PAN3: variants seen among roughly 807,000 people sequenced by gnomAD.
PAN3 encodes the protein PAN2-PAN3 deadenylation complex subunit PAN3.
PAN3 carries 19 observed loss-of-function variants against 96.2 expected under a neutral mutation model. That is an observed-to-expected ratio of 0.20 (90% CI 0.14 to 0.29). The LOEUF (loss-of-function observed/expected upper bound fraction) is 0.29. Among genes scored for constraint, PAN3 ranks in the 10% least tolerant of loss-of-function variants. The pLI is 1.00. For missense variants in PAN3, 882 were observed against 1,108.1 expected, an observed-to-expected ratio of 0.80 and a Z score of 2.90; for synonymous variants, 433 against 406.6, an observed-to-expected ratio of 1.06 and a Z score of -0.78.
At chr13:28,276,324 A>C (rs1887058975) in intron 14 of PAN3, among the ~76,000 whole-genome samples, 1 of 152,196 alleles carries the variant, frequency 6.6e-6, no homozygotes, top group Admixed American at 6.5e-5. Context: ...TCAGATTTTA[A>C]AGATCTGCAA....
intron 1 of PAN3, among the ~76,000 whole-genome samples, chr13:28,162,676 A>G (rs1367925334): frequency 6.6e-6 from 1 of 151,794 alleles, no homozygotes; most frequent in East Asian, 1.9e-4. Flanking sequence ...ATTGAAAATA[A>G]AAGTTTGTAC....
chr13:28,171,600 C>T (rs1371887933), intron 1 of PAN3, among the ~76,000 whole-genome samples: 1 of 152,176 alleles, frequency 6.6e-6, no homozygotes, highest in East Asian at 1.9e-4. Flanking sequence ...ACTTGCTTGA[C>T]TGGTTTATTA....
At chr13:28,198,683 A>G (rs923842578) in intron 5 of PAN3, among the ~76,000 whole-genome samples, 25 of 152,240 alleles carry the variant, frequency 1.6e-4, no homozygotes, top group Non-Finnish European at 3.1e-4. Context: ...ATTTCAATTT[A>G]GCCAGAGGTA....
At chr13:28,264,516 T>TC (rs1277355514) in intron 9 of PAN3, among the ~76,000 whole-genome samples, 5 of 151,994 alleles carry the variant, frequency 3.3e-5, no homozygotes, top group Admixed American at 3.3e-4. Context: ...CCTGGGAGAC[T>TC]CTGTCTCCAA....
intron 5 of PAN3, among the ~76,000 whole-genome samples, chr13:28,213,899 A>G (rs1305506229): frequency 6.6e-6 from 1 of 152,152 alleles, no homozygotes; most frequent in Non-Finnish European, 1.5e-5. Context: ...CACCTATTAG[A>G]ATGTCTAAAA....
chr13:28,285,402 T>C (rs1246736175), intron 17 of PAN3, among the ~76,000 whole-genome samples: 1 of 152,210 alleles, frequency 6.6e-6, no homozygotes, highest in African/African-American at 2.4e-5. Context: ...GCATTTTCTT[T>C]ATAAATCCTT....
At chr13:28,286,463 T>C (rs1868983836) in intron 17 of PAN3, among the ~76,000 whole-genome samples, 1 of 152,206 alleles carries the variant, frequency 6.6e-6, no homozygotes, top group South Asian at 2.1e-4. Flanking sequence ...GTTCTCCTGT[T>C]TTCAGCCTCA....
upstream of PAN3, chr13:28,138,334 C>CGAG: frequency 5.8e-6 from 1 of 172,714 alleles, no homozygotes; most frequent in African/African-American, 2.4e-5. Flanking sequence ...GCTGCCGCTC[C>CGAG]CTCTTCCCCT....
chr13:28,282,632 GTATT>G (rs1283441081), intron 17 of PAN3, among the ~76,000 whole-genome samples: 1 of 152,150 alleles, frequency 6.6e-6, no homozygotes, highest in Non-Finnish European at 1.5e-5. Context: ...AGTTGAATCT[GTATT>G]TAGTGTTACA....
intron 6 of PAN3, among the ~76,000 whole-genome samples, chr13:28,255,042 A>C (rs1181484326): frequency 6.6e-6 from 1 of 152,148 alleles, no homozygotes; most frequent in African/African-American, 2.4e-5. Flanking sequence ...ATTTTTGTTC[A>C]CCTACATGTT....
At chr13:28,156,896 G>A (rs1872238535) in intron 1 of PAN3, among the ~76,000 whole-genome samples, 3 of 149,946 alleles carry the variant, frequency 2.0e-5, no homozygotes, top group Admixed American at 1.3e-4. Flanking sequence ...TTGAGAAGCT[G>A]AGGTGGAAGG....
intron 5 of PAN3, 115 bp from the exon 6 acceptor site, chr13:28,220,116 C>A: frequency 9.9e-7 from 1 of 1,005,284 alleles, no homozygotes; most frequent in South Asian, 2.4e-5. Context: ...ACTTGTTAAT[C>A]CTTTCAATAA....
intron 1 of PAN3, among the ~76,000 whole-genome samples, chr13:28,152,609 A>T (rs1439204809): frequency 2.0e-5 from 3 of 152,060 alleles, no homozygotes; most frequent in Admixed American, 2.0e-4. Context: ...ACAAAAAAAA[A>T]TGTGTATCTT....
chr13:28,233,701 A>T (rs1057444917), intron 6 of PAN3, among the ~76,000 whole-genome samples: 4 of 152,230 alleles, frequency 2.6e-5, no homozygotes, highest in African/African-American at 9.6e-5. Context: ...GAAGCTTTAG[A>T]GGTACCTCAG....
chr13:28,178,442 A>C (rs1875331303), intron 4 of PAN3, among the ~76,000 whole-genome samples: 1 of 152,106 alleles, frequency 6.6e-6, no homozygotes. Flanking sequence ...AGATTGATAG[A>C]CCATGTATGG....
chr13:28,257,246 A>G (rs1022765507), intron 7 of PAN3, among the ~76,000 whole-genome samples: 1 of 152,184 alleles, frequency 6.6e-6, no homozygotes, highest in Non-Finnish European at 1.5e-5. Context: ...GTAATGTTCC[A>G]GGAGAGGGAG....
At chr13:28,183,515 G>A (rs1876068610) in intron 4 of PAN3, among the ~76,000 whole-genome samples, 2 of 152,332 alleles carry the variant, frequency 1.3e-5, no homozygotes, top group South Asian at 4.1e-4. Context: ...TTTAGGCTTA[G>A]AGATATGTTT....
intron 5 of PAN3, among the ~76,000 whole-genome samples, chr13:28,212,735 C>T (rs1223378114): frequency 6.6e-6 from 1 of 152,110 alleles, no homozygotes; most frequent in African/African-American, 2.4e-5. Flanking sequence ...TGGCAATAGA[C>T]ATTGAAGAAC....
chr13:28,215,068 C>A, intron 5 of PAN3: 2 of 971,374 alleles, frequency 2.1e-6, no homozygotes, highest in Non-Finnish European at 3.3e-6. Flanking sequence ...GGCTACAATC[C>A]TGACACAGTA....
Sources: gnomAD v4.1 joint callset for allele counts (sites outside exome capture counted in the v4.1 genomes callset) on GRCh38, gnomAD v4.1.1 for gene constraint, MANE v1.5 for transcripts, NCBI Gene and HGNC (gene_info 2026-07-23, HGNC 2026-07-21) for gene names.